Variants in SLC5A10 observed in about 807,000 individuals in gnomAD.
SLC5A10 encodes solute carrier family 5 member 10.
In SLC5A10, 55 loss-of-function variants were observed where a neutral mutation model predicts 68.9. The ratio of observed to expected loss-of-function variants is 0.80; its 90% CI spans 0.64 to 1.00. The LOEUF (loss-of-function observed/expected upper bound fraction) is 1.00. Among genes scored for constraint, SLC5A10 ranks in the 50% least tolerant of loss-of-function variants. SLC5A10 has a pLI of 0.00. For synonymous variants in SLC5A10, 344 were observed against 344.8 expected (o/e 1.00, Z 0.02); for missense variants, 732 against 819.3 (o/e 0.89, Z 1.30).
chr17:18,992,456 C>T (rs1212995322), intron 9 of SLC5A10, among the ~76,000 whole-genome samples: 1 of 152,208 alleles, frequency 6.6e-6, no homozygotes, highest in Non-Finnish European at 1.5e-5. Context: ...CAAAGGAGAA[C>T]CCCACCTGTG....
At chr17:18,991,839 C>T (rs991717787) in intron 9 of SLC5A10, among the ~76,000 whole-genome samples, 4 of 152,326 alleles carry the variant, frequency 2.6e-5, no homozygotes, top group East Asian at 1.9e-4. Context: ...CTCTGCTGGG[C>T]GGCCTTGAGG....
At chr17:18,998,520 AT>A (rs2043628378) in intron 9 of SLC5A10, among the ~76,000 whole-genome samples, 2 of 152,214 alleles carry the variant, frequency 1.3e-5, no homozygotes, top group African/African-American at 4.8e-5. Flanking sequence ...CAGCTGTGAT[AT>A]GAACATGACG....
At chr17:19,012,611 AGGCAGTCCTCAGGCGAGGCCTGG>A (rs985653295) in intron 9 of SLC5A10, among the ~76,000 whole-genome samples, 11 of 152,332 alleles carry the variant, frequency 7.2e-5, no homozygotes, top group Admixed American at 2.0e-4. Flanking sequence ...TTCGGGAAGG[AGGCAGTCCTCAGGCGAGGCCTGG>A]GGCAGGCCTC....
At chr17:18,980,342 C>T (rs762622436) in intron 9 of SLC5A10, among the ~76,000 whole-genome samples, 7 of 152,256 alleles carry the variant, frequency 4.6e-5, no homozygotes, top group Non-Finnish European at 8.8e-5. Context: ...CAATTCTGTG[C>T]CGGCTTACAC....
intron 1 of SLC5A10, 151 bp from the exon 2 acceptor site, chr17:18,958,531 A>G: frequency 5.0e-6 from 3 of 601,838 alleles, no homozygotes; most frequent in Admixed American, 2.9e-5. Context: ...TGTGTTTTCA[A>G]TTCTTTTGGA....
rs1194911473 is a variant in SLC5A10, at chr17:19,018,351, C to T, written c.1242-1072C>T. 1 of 152,472 alleles carries T rather than the reference C, an allele frequency of 6.6e-6. No individual in the cohort carries two copies. Among genetic ancestry groups the T allele is most frequent in the Non-Finnish European group, 1.5e-5 (1 of 68,234 alleles). The allele number at this position is 152,472 out of a possible 1,614,324, so 9.4% of individuals were successfully genotyped here. On this transcript the variant is annotated intron_variant, in intron 11 of 14. Coordinates refer to ENST00000395645, the MANE Select transcript of SLC5A10 (RefSeq NM_001042450.4). This position sits in a 1 kb window ranked among gnomAD's most constrained non-coding sequence, Gnocchi z 4.2. Reference sequence around the variant, plus strand: ...GGATGCCATGCCCCAGCTTCATCCCCTTAGCTGGGTCCCATGCCCCTCAAG... The same window carrying T: ...GGATGCCATGCCCCAGCTTCATCCCTTTAGCTGGGTCCCATGCCCCTCAAG...
intron 1 of SLC5A10, among the ~76,000 whole-genome samples, chr17:18,953,070 G>T (rs1234161911): frequency 6.6e-6 from 1 of 151,786 alleles, no homozygotes; most frequent in Non-Finnish European, 1.5e-5. Flanking sequence ...AGCCCCAGAG[G>T]TCCCCAGCCT....
chr17:18,991,514 G>A (rs1323910492), intron 9 of SLC5A10, among the ~76,000 whole-genome samples: 3 of 152,158 alleles, frequency 2.0e-5, no homozygotes, highest in African/African-American at 7.2e-5. Flanking sequence ...GAAATGAGAG[G>A]GGAGGCTGAC....
intron 1 of SLC5A10, among the ~76,000 whole-genome samples, chr17:18,955,085 C>CAAAAAAAAAAAAAA (rs398041580): frequency 8.4e-6 from 1 of 118,826 alleles, no homozygotes; most frequent in Admixed American, 9.4e-5. Context: ...AACACTGTAT[C>CAAAAAAAAAAAAAA]AAAAAAAAAA....
In SLC5A10 at chr17:19,020,339, C is replaced by G; in HGVS notation, c.1699C>G (p.Pro567Ala). The change falls in exon 15 of 15, where the codon CCC becomes GCC. Residue 567 changes from proline to alanine, a missense_variant. Transcript: ENST00000395645. ...LGTKAGDGQT[P>A]QKHAFWARVC... ...ACCCCCTCCAGGTGATGGCCAAACACCCCAGAAACACGCCTTCTGGGCCCG... is the reference window on the plus strand; with the variant it reads ...ACCCCCTCCAGGTGATGGCCAAACAGCCCAGAAACACGCCTTCTGGGCCCG... The G allele has an allele frequency of 6.2e-7, 1 of 1,614,174 alleles. No homozygotes were observed.
intron 9 of SLC5A10, among the ~76,000 whole-genome samples, chr17:19,008,433 G>A (rs984850801): frequency 5.9e-5 from 9 of 151,760 alleles, no homozygotes; most frequent in African/African-American, 1.9e-4. Flanking sequence ...TTAGATTGAG[G>A]GTAGGTTTTT....
chr17:19,016,809 GC>G (rs1389730338), intron 11 of SLC5A10, among the ~76,000 whole-genome samples: 3 of 152,252 alleles, frequency 2.0e-5, no homozygotes, highest in African/African-American at 7.2e-5. Context: ...GGAAGACCCT[GC>G]CCCTCTCTGA....
At chr17:18,951,317 G>A (rs912083802), upstream of SLC5A10, among the ~76,000 whole-genome samples, 6 of 152,204 alleles carry the variant, frequency 3.9e-5, no homozygotes, top group Admixed American at 6.5e-5. Context: ...GGCCACATCT[G>A]CACTGAATCC....
chr17:18,993,207 A>C (rs143152501), intron 9 of SLC5A10, among the ~76,000 whole-genome samples: 1 of 151,936 alleles, frequency 6.6e-6, no homozygotes, highest in Non-Finnish European at 1.5e-5. Context: ...CCTCTCCCCG[A>C]CGCGTCCTGC....
intron 9 of SLC5A10, chr17:18,979,375 C>T (rs1004702126): frequency 1.3e-6 from 1 of 792,268 alleles, no homozygotes; most frequent in African/African-American, 1.7e-5. Context: ...AGACAAAGCC[C>T]TTCTCTGCCT....
chr17:18,985,378 C>T (rs1391276787), intron 9 of SLC5A10, among the ~76,000 whole-genome samples: 2 of 152,196 alleles, frequency 1.3e-5, no homozygotes, highest in Non-Finnish European at 2.9e-5. Context: ...CTGGTATCAC[C>T]CCCAAACTGG....
intron 7 of SLC5A10, 112 bp downstream of exon 7, chr17:18,969,534 C>A (rs999551432): frequency 2.9e-6 from 3 of 1,029,184 alleles, no homozygotes; most frequent in Non-Finnish European, 2.9e-6. Context: ...TGGGTAGCAT[C>A]GCTGGGAGTG....
At chr17:18,962,400 A>G (rs1329353378) in intron 5 of SLC5A10, among the ~76,000 whole-genome samples, 1 of 152,120 alleles carries the variant, frequency 6.6e-6, no homozygotes, top group Non-Finnish European at 1.5e-5. Flanking sequence ...AGGAGTCACT[A>G]AGTCAGACAC....
chr17:18,970,887 ATGAGG>A, intron 7 of SLC5A10, 121 bp from the exon 8 acceptor site: 2 of 784,252 alleles, frequency 2.6e-6, no homozygotes, highest in East Asian at 5.3e-5. Context: ...ACTGGGAAAG[ATGAGG>A]TGGAAAAAAC....
Sources: gnomAD v4.1 joint callset for allele counts (sites outside exome capture counted in the v4.1 genomes callset) on GRCh38, gnomAD v4.1.1 for gene constraint, Gnocchi (gnomAD v3.1) non-coding constraint, MANE v1.5 for transcripts, NCBI Gene and HGNC (gene_info 2026-07-23, HGNC 2026-07-21) for gene names.